Variants in HIVEP3 observed in about 807,000 individuals in gnomAD.
HIVEP3 encodes transcription factor HIVEP3.
HIVEP3 carries 49 observed loss-of-function variants against 152.8 expected under a neutral mutation model. The ratio of observed to expected loss-of-function variants is 0.32; its 90% CI spans 0.26 to 0.41. The LOEUF (loss-of-function observed/expected upper bound fraction) is 0.41, where lower values mean the gene tolerates loss of function less well. HIVEP3 is among the 10% of genes least tolerant of loss of function. The pLI, the probability that HIVEP3 is intolerant of heterozygous loss-of-function variation, is 1.00. For synonymous variants in HIVEP3, 1,269 were observed against 1,289.0 expected, an observed-to-expected ratio of 0.98 and a Z score of 0.33; for missense variants, 2,790 against 3,103.3, an observed-to-expected ratio of 0.90 and a Z score of 2.40.
chr1:41,622,429 T>C (rs1645059662), intron 3 of HIVEP3, among the ~76,000 whole-genome samples: 1 of 152,166 alleles, frequency 6.6e-6, no homozygotes, highest in Non-Finnish European at 1.5e-5. Context: ...GGGAACAGGC[T>C]GAACTGGGAA....
At chr1:41,721,022 G>C (rs1646666164) in intron 1 of HIVEP3, among the ~76,000 whole-genome samples, 1 of 152,176 alleles carries the variant, frequency 6.6e-6, no homozygotes, top group African/African-American at 2.4e-5. Flanking sequence ...GTAGAATAGT[G>C]GGTGCCAGGA....
Position 41,927,815 on chromosome 1 carries a change from A to T in HIVEP3, n.120-9291T>A, listed in dbSNP as rs140646240. Reference sequence around the variant, plus strand: ...AGTGGCTCACGCCTATAGTCCCAGCACTTTGGGAGGCAGAGGTGGGCAGAT... The same window carrying T: ...AGTGGCTCACGCCTATAGTCCCAGCTCTTTGGGAGGCAGAGGTGGGCAGAT... On this transcript the variant is annotated intron_variant and non_coding_transcript_variant, in intron 1 of 3. Coordinates refer to the HIVEP3 transcript ENST00000489103. Among the ~76,000 whole-genome samples, 524 of 152,284 alleles carry T rather than the reference A, an allele frequency of 3.4e-3. 1 individual carries two copies. Among genetic ancestry groups the T allele is most frequent in the African/African-American group, 0.012 (510 of 41,566 alleles).
At chr1:41,776,116 C>A (rs1570512805) in intron 1 of HIVEP3, among the ~76,000 whole-genome samples, 1 of 152,302 alleles carries the variant, frequency 6.6e-6, no homozygotes, top group South Asian at 2.1e-4. Flanking sequence ...TTAAACAAAG[C>A]CCTCAGTCAG....
At chr1:41,874,498 C>T (rs960637331) in intron 1 of HIVEP3, among the ~76,000 whole-genome samples, 4 of 152,142 alleles carry the variant, frequency 2.6e-5, no homozygotes, top group Middle Eastern at 3.2e-3. Flanking sequence ...GTCTAAGGTT[C>T]GAAATGTGGA....
At chr1:41,879,544 T>C (rs1644228445) in intron 1 of HIVEP3, among the ~76,000 whole-genome samples, 1 of 152,220 alleles carries the variant, frequency 6.6e-6, no homozygotes. Context: ...TCTGGAGCAC[T>C]TCACAGCATG....
rs1242579621 is a variant in HIVEP3, at chr1:41,698,444, G to T, written c.-721+2472C>A. Among the ~76,000 whole-genome samples the T allele has an allele frequency of 2.0e-5, 3 of 152,302 alleles. No homozygotes were observed. The East Asian group carries it at 5.8e-4, about 29-fold the overall frequency. On this transcript the variant is annotated intron_variant, in intron 2 of 8. Transcript: ENST00000372583. ...ATTCCAGTCGAGAAAAGTCTTAGAG[G>T]CATTAGAGGTTGTCTATCTGGCCTT...
chr1:41,841,879 C>T (rs1041976560), intron 1 of HIVEP3, among the ~76,000 whole-genome samples: 2 of 152,132 alleles, frequency 1.3e-5, no homozygotes, highest in Admixed American at 1.3e-4. Flanking sequence ...CACTTGAGGT[C>T]AGGAGTTCAA....
chr1:41,688,393 A>G (rs1646144625), intron 2 of HIVEP3, among the ~76,000 whole-genome samples: 1 of 152,218 alleles, frequency 6.6e-6, no homozygotes, highest in African/African-American at 2.4e-5. Context: ...AAATGTAAGC[A>G]ATCACTTTTT....
chr1:41,877,099 G>A (rs1416014903), intron 1 of HIVEP3, among the ~76,000 whole-genome samples: 2 of 151,950 alleles, frequency 1.3e-5, no homozygotes, highest in Admixed American at 1.3e-4. Flanking sequence ...TTTCTTTTTT[G>A]GTTAATAATA....
At chr1:41,661,376 A>C (rs1455939180) in intron 2 of HIVEP3, among the ~76,000 whole-genome samples, 1 of 152,222 alleles carries the variant, frequency 6.6e-6, no homozygotes, top group Non-Finnish European at 1.5e-5. Context: ...CTGAAGCCCA[A>C]GCACCCTGCT....
At chr1:41,605,793 G>A (rs1337516929) in intron 3 of HIVEP3, among the ~76,000 whole-genome samples, 4 of 152,128 alleles carry the variant, frequency 2.6e-5, no homozygotes, top group African/African-American at 9.7e-5. Flanking sequence ...AGTGTGGTTA[G>A]AGTGTTGGGT....
chr1:41,627,138 G>A (rs768478992), intron 3 of HIVEP3, among the ~76,000 whole-genome samples: 19 of 152,362 alleles, frequency 1.2e-4, no homozygotes, highest in Admixed American at 5.9e-4. Flanking sequence ...GCACAGGGCT[G>A]CAACTGGGAG....
intron 1 of HIVEP3, among the ~76,000 whole-genome samples, chr1:42,028,505 T>C (rs1645594712): frequency 6.6e-6 from 1 of 152,170 alleles, no homozygotes; most frequent in Non-Finnish European, 1.5e-5. Context: ...CTTGAGTCTA[T>C]AAATCCTCCC....
chr1:41,958,523 A>G lies in HIVEP3; in HGVS notation n.120-39999T>C, dbSNP rs143442664. 1.2e-4 allele frequency among the ~76,000 whole-genome samples: 18 copies of G among 152,244 alleles called. No homozygotes were observed. The East Asian group carries it at 2.5e-3, about 21-fold the overall frequency. ...AATCCTCATAAAGTAGAAGAGGTAC[A>G]CCCCAGGTTTCACATGAGCAGGGCC... On this transcript the variant is annotated intron_variant and non_coding_transcript_variant, in intron 1 of 3. Transcript: ENST00000489103.
intron 1 of HIVEP3, among the ~76,000 whole-genome samples, chr1:41,910,664 G>A (rs1644782103): frequency 6.6e-6 from 1 of 151,754 alleles, no homozygotes; most frequent in South Asian, 2.1e-4. Context: ...AACCAAGTCA[G>A]GTTTATTCTA....
intron 1 of HIVEP3, among the ~76,000 whole-genome samples, chr1:41,986,740 G>A (rs188966433): frequency 3.9e-5 from 6 of 152,246 alleles, no homozygotes; most frequent in East Asian, 1.9e-4. Context: ...GCGCCCTGCC[G>A]AATAGGACAT....
intron 1 of HIVEP3, among the ~76,000 whole-genome samples, chr1:41,744,956 G>A (rs1010275748): frequency 1.3e-5 from 2 of 152,182 alleles, no homozygotes; most frequent in Non-Finnish European, 2.9e-5. Flanking sequence ...AGAGGCTGAG[G>A]AAGTCAAGAA....
At chr1:41,823,356 A>C (rs964493235) in intron 1 of HIVEP3, among the ~76,000 whole-genome samples, 2 of 152,242 alleles carry the variant, frequency 1.3e-5, no homozygotes, top group African/African-American at 4.8e-5. Context: ...AAGAACACCA[A>C]GATGCAGATA....
At chr1:41,929,885 T>C (rs1028948938) in intron 1 of HIVEP3, among the ~76,000 whole-genome samples, 23 of 151,906 alleles carry the variant, frequency 1.5e-4, no homozygotes, top group Non-Finnish European at 2.6e-4. Flanking sequence ...ATAATATATT[T>C]GCTTATCTGT....
Sources: gnomAD v4.1 joint callset for allele counts (sites outside exome capture counted in the v4.1 genomes callset) on GRCh38, gnomAD v4.1.1 for gene constraint, MANE v1.5 for transcripts, NCBI Gene and HGNC (gene_info 2026-07-23, HGNC 2026-07-21) for gene names.